MFRP: variants seen among roughly 807,000 people sequenced by gnomAD.
MFRP encodes the protein membrane frizzled-related protein.
MFRP carries 74 observed loss-of-function variants against 65.8 expected under a neutral mutation model. That is an observed-to-expected ratio of 1.12 (90% CI 0.93 to 1.36). The LOEUF is 1.36. MFRP is among the 40% of genes most tolerant of loss of function. The pLI is 0.00. For synonymous variants in MFRP, 336 were observed against 288.3 expected, an observed-to-expected ratio of 1.17 and a Z score of -1.68; for missense variants, 838 against 736.0, an observed-to-expected ratio of 1.14 and a Z score of -1.60.
chr11:119,342,521 C>A, intron 11 of MFRP, 75 bp downstream of exon 11: 2 of 1,579,572 alleles, frequency 1.3e-6, no homozygotes, highest in Middle Eastern at 1.8e-4. Context: ...GGATGGGACA[C>A]TGTGCAGTAC....
Position 119,343,919 on chromosome 11 carries a change from G to C in MFRP, c.1021C>G (p.Leu341Val). ...TCCAGGCTGAAGTTGTGGAACTGTA[G>C]TTCTATGCTGTGTCCGGCAGGCACC... ...ISVPAGHSIE[L>V]QFHNFSLEAQ... The change falls in exon 9 of 15, where the codon CTA (leucine) becomes GTA (valine). Residue 341 changes from leucine to valine, a missense_variant. By Grantham distance (32) the Leu-to-Val change is conservative (BLOSUM62 1). Transcript: ENST00000619721. The C allele has an allele frequency of 1.2e-6, 2 of 1,613,808 alleles. No homozygotes were observed. The highest frequency in any genetic ancestry group is 1.7e-6 in the Non-Finnish European group (2 of 1,180,010).
Position 119,345,830 on chromosome 11 carries a change from C to T in MFRP, c.370G>A (p.Ala124Thr). Residue 124 changes from alanine to threonine, a missense_variant, in exon 4 of 15, where the codon GCA (alanine) becomes ACA (threonine). Coordinates refer to ENST00000619721, the MANE Select transcript of MFRP (RefSeq NM_031433.4). ...TGCTGCCCTTTAGGGGTCCCAGCTG[C>T]CTGAGAGGTGGTGATGGTGGGGGTG... is the stretch of plus-strand genomic sequence containing the variant. ...TTTPTITTSQ[A>T]AGTPKGQQES... The T allele has an allele frequency of 1.9e-6, 3 of 1,613,894 alleles. No homozygotes were observed. The highest frequency in any genetic ancestry group is 2.5e-6 in the Non-Finnish European group (3 of 1,180,002).
chr11:119,342,456 T>C, intron 11 of MFRP, 140 bp downstream of exon 11: 2 of 1,053,376 alleles, frequency 1.9e-6, no homozygotes, highest in Non-Finnish European at 2.7e-6. Flanking sequence ...CTCTGTGAAG[T>C]GGTCCCAGAG....
chr11:119,344,389 A>G lies in MFRP; in HGVS notation c.901T>C (p.Cys301Arg), dbSNP rs780153143. The change falls in exon 8 of 15, where the codon TGT (cysteine) becomes CGT (arginine). Residue 301 changes from cysteine (C) to arginine (R), a missense_variant and splice_region_variant. Cys to Arg is a radical substitution (Grantham distance 180). Coordinates refer to ENST00000619721, the MANE Select transcript of MFRP (RefSeq NM_031433.4). ...ETNCSAKFSGCGGNLTGLQGT... is the reference protein window; with the variant it reads ...ETNCSAKFSGRGGNLTGLQGT... ...TGGAGGCCAGTCAGATTCCCCCCAC[A>G]CCCTGTAGAGAGGTGGAAGGGCTCA... 2 of 1,612,946 alleles carry G rather than the reference A, an allele frequency of 1.2e-6. No homozygotes were observed. The highest frequency in any genetic ancestry group is 1.7e-6 in the Non-Finnish European group (2 of 1,179,566).
At position 119,341,598 on chromosome 11, in the gene MFRP, A is replaced by C. The variant is rs1950503045; in HGVS notation, c.1690T>G (p.Cys564Gly). 6.2e-7 allele frequency: 1 copy of C among 1,612,844 alleles called. No individual in the cohort carries two copies. Among genetic ancestry groups the C allele is most frequent in the African/African-American group, 1.3e-5 (1 of 74,940 alleles). Residue 564 changes from cysteine to glycine, a missense_variant, in exon 13 of 15, where the codon TGC becomes GGC. Coordinates refer to ENST00000619721, the MANE Select transcript of MFRP (RefSeq NM_031433.4). ...TCAGCTGCCTCTGGCAGCCTGTTGCAGTTGAAGGGCCAGGGGGTGCCCAGT... is the reference window on the plus strand; with the variant it reads ...TCAGCTGCCTCTGGCAGCCTGTTGCCGTTGAAGGGCCAGGGGGTGCCCAGT... ...ALLGTPWPFN[C>G]NRLPEAADLE...
rs767183449 is a variant in MFRP at position 119,344,982 on chromosome 11, G to C, written c.664C>G (p.Pro222Ala). Residue 222 changes from proline (P) to alanine (A), a missense_variant, in exon 6 of 15, where the codon CCC becomes GCC. Physicochemically the swap from Pro to Ala is conservative, Grantham distance 27. Coordinates refer to ENST00000619721, the MANE Select transcript of MFRP (RefSeq NM_031433.4). ...TGGCTGGCATTGGTGTTGAGCGTGG[G>C]GGGAGGCACCCTTCCACAAACCCTG... ...LLRVCGRVPPPTLNTNASHLL... is the reference protein window; with the variant it reads ...LLRVCGRVPPATLNTNASHLL... 6.2e-7 allele frequency: 1 copy of C among 1,607,110 alleles called. No homozygotes were observed. The highest frequency in any genetic ancestry group is 8.5e-7 in the Non-Finnish European group (1 of 1,177,738).
rs201366920 is a variant in MFRP, at chr11:119,341,961, C to T, written c.1411G>A (p.Val471Met). The change falls in exon 12 of 15, where the codon GTG becomes ATG. Residue 471 changes from valine (V) to methionine (M), a missense_variant. Transcript: ENST00000619721. Reference sequence around the variant, plus strand: ...TAGCTCAGACCGAGGCACATCTCCACCTGGACAGGCTCACAGGCCAGCTCT... The same window carrying T: ...TAGCTCAGACCGAGGCACATCTCCATCTGGACAGGCTCACAGGCCAGCTCT... ...PPELACEPVQVEMCLGLSYNT... is the reference protein window; with the variant it reads ...PPELACEPVQMEMCLGLSYNT... The T allele has an allele frequency of 6.2e-6, 10 of 1,613,884 alleles. No homozygotes were observed. The East Asian group carries it at 6.7e-5, about 11-fold the overall frequency.
In MFRP at chr11:119,339,862, G is replaced by A. The variant is rs1306948469; in HGVS notation, c.*1111-14C>T. The A allele has an allele frequency of 6.9e-7, 1 of 1,459,762 alleles. No individual in the cohort carries two copies. The highest frequency in any genetic ancestry group is 1.4e-5 in the South Asian group (1 of 71,600). 90.4% of individuals were successfully genotyped at this position (1,459,762 alleles called of 1,614,324 possible). Reference sequence around the variant, plus strand: ...GTCCCGGCAGTCCTGCGGGGTAAGCGGGGCGGCAGGGTGAGAGTAGCGGCG... The same window carrying A: ...GTCCCGGCAGTCCTGCGGGGTAAGCAGGGCGGCAGGGTGAGAGTAGCGGCG... On this transcript the variant is annotated splice_polypyrimidine_tract_variant and intron_variant, in intron 14 of 14. Transcript: ENST00000619721. This position sits in a 1 kb window ranked among gnomAD's most constrained non-coding sequence, Gnocchi z 5.4.
In MFRP at chr11:119,341,591, C is replaced by T. The variant is rs933941325; in HGVS notation, c.1697G>A (p.Arg566Lys). ...LGTPWPFNCN[R>K]LPEAADLEAC... is the part of the protein sequence containing the mutation. ...TTCCAGGTCAGCTGCCTCTGGCAGC[C>T]TGTTGCAGTTGAAGGGCCAGGGGGT... The change falls in exon 13 of 15, where the codon AGG (arginine) becomes AAG (lysine). Residue 566 changes from arginine (R) to lysine (K), a missense_variant. Arg to Lys is a conservative substitution (Grantham distance 26). Coordinates refer to ENST00000619721, the MANE Select transcript of MFRP (RefSeq NM_031433.4). The T allele has an allele frequency of 3.7e-6, 6 of 1,612,950 alleles. No homozygotes were observed. The highest frequency in any genetic ancestry group is 1.7e-4 in the Middle Eastern group (1 of 6,044).
chr11:119,343,129 G>A, intron 9 of MFRP, 126 bp from the exon 10 acceptor site: 2 of 1,217,592 alleles, frequency 1.6e-6, no homozygotes, highest in East Asian at 5.1e-5. Flanking sequence ...AAGACACAGG[G>A]TTAGGGTCTG....
Position 119,345,446 on chromosome 11 carries a change from G to A in MFRP, c.615C>T (p.Ser205=), listed in dbSNP as rs1950553139. The A allele has an allele frequency of 6.2e-7, 1 of 1,614,016 alleles. No individual in the cohort carries two copies. The highest frequency in any genetic ancestry group is 8.5e-7 in the Non-Finnish European group (1 of 1,180,032). Residue 205 remains serine, a synonymous_variant, in exon 5 of 15, where the codon TCC becomes TCT. Coordinates refer to ENST00000619721, the MANE Select transcript of MFRP (RefSeq NM_031433.4). ...ASCLFDRLEL[S]PEPEGPLLRV... is the part of the protein sequence containing the mutation. ...TGAGGAGGGGGCCTTCAGGCTCAGG[G>A]GAGAGTTCCAAGCGATCAAAAAGGC...
Position 119,343,103 on chromosome 11 carries a change from A to C in MFRP, c.1125-100T>G, listed in dbSNP as rs988896971. The C allele has an allele frequency of 4.2e-6, 6 of 1,431,682 alleles. No homozygotes were observed. In the Admixed American group the frequency reaches 5.9e-5, roughly 14 times the overall value. The allele number at this position is 1,431,682 out of a possible 1,614,324, so 88.7% of individuals were successfully genotyped here. A position where few individuals can be genotyped will look rare whatever the true frequency, so the allele number is the denominator to read the frequency against. ...GGCTCTGAGCTGGGAGCCCTGGATG[A>C]TGCCAAAGGTGATGGAAGACACAGG... On this transcript the variant is annotated intron_variant, in intron 9 of 14. Coordinates refer to ENST00000619721, the MANE Select transcript of MFRP (RefSeq NM_031433.4).
chr11:119,344,494 AAAC>A (rs1950538304), intron 7 of MFRP, 103 bp from the exon 8 acceptor site: 1 of 1,569,656 alleles, frequency 6.4e-7, no homozygotes, highest in Admixed American at 1.8e-5. Flanking sequence ...TGCCCATGGG[AAAC>A]AAGTTCTGGG....
In MFRP at chr11:119,342,839, T is replaced by C. The variant is rs769780473; in HGVS notation, c.1255+34A>G. On this transcript the variant is annotated intron_variant, in intron 10 of 14. Coordinates refer to ENST00000619721, the MANE Select transcript of MFRP (RefSeq NM_031433.4). The stretch of plus-strand genomic sequence containing the variant: ...TTGTCTGTCCCCCTGGAGGTGCCTC[T>C]ACTGCCCCCACCCACTTGCCCAGGG... 4 of 1,612,178 alleles carry C rather than the reference T, an allele frequency of 2.5e-6. No individual in the cohort carries two copies. In the Admixed American group the frequency reaches 5.0e-5, roughly 20 times the overall value.
chr11:119,340,190 T>A lies in MFRP; in HGVS notation c.*1104A>T. ...CGCGGCGGTGCCTTCTTACCCGGCC[T>A]CCCGCCCTCGCCTTTCTCTCCCGGA... On this transcript the variant is annotated 3_prime_UTR_variant, in exon 14 of 15. Coordinates refer to ENST00000619721, the MANE Select transcript of MFRP (RefSeq NM_031433.4). The A allele has an allele frequency of 2.0e-6, 3 of 1,515,054 alleles. No homozygotes were observed. Among genetic ancestry groups the A allele is most frequent in the Non-Finnish European group, 1.8e-6 (2 of 1,134,456 alleles). The allele number at this position is 1,515,054 out of a possible 1,614,324, so 93.9% of individuals were successfully genotyped here.
At chr11:119,344,501 T>C (rs1950538350) in intron 7 of MFRP, 110 bp from the exon 8 acceptor site, 1 of 1,574,894 alleles carries the variant, frequency 6.3e-7, no homozygotes, top group Non-Finnish European at 8.7e-7. Context: ...GGGAAACAAG[T>C]TCTGGGCCAA....
Position 119,342,921 on chromosome 11 carries a change from T to C in MFRP, c.1207A>G (p.Ser403Gly). The C allele has an allele frequency of 6.2e-7, 1 of 1,612,936 alleles. No homozygotes were observed. ...AVLFRTDHGI[S>G]SGGFSATYLA... ...TAGGTGGCTGAGAAGCCTCCACTGC[T>C]GATGCCATGATCTGTCCTAAACAGC... Residue 403 changes from serine (S) to glycine (G), a missense_variant, in exon 10 of 15, where the codon AGC (serine) becomes GGC (glycine). Physicochemically the swap from Ser to Gly is moderately conservative, Grantham distance 56. Transcript: ENST00000619721.
At position 119,345,602 on chromosome 11, in the gene MFRP, GC is replaced by G. The variant is rs1255458368; in HGVS notation, c.458del (p.Gly153AlafsTer39). ...TCGGLLSGPR[G>X]FFSSPNYPDP... ...CTGGGTAGTTAGGGCTGCTGAAGAA[GC>G]CCCTTGGGCCAGAGAGGAGGCCTCC... is the stretch of plus-strand genomic sequence containing the variant. On this transcript the variant is annotated frameshift_variant, in exon 5 of 15. Transcript: ENST00000619721. LOFTEE classifies it high-confidence loss of function. 2 of 1,613,816 alleles carry G rather than the reference GC, an allele frequency of 1.2e-6. No homozygotes were observed. The highest frequency in any genetic ancestry group is 1.7e-6 in the Non-Finnish European group (2 of 1,179,994).
chr11:119,339,743 C>G lies in MFRP; in HGVS notation c.*1216G>C. On this transcript the variant is annotated 3_prime_UTR_variant, in exon 15 of 15. Coordinates refer to ENST00000619721, the MANE Select transcript of MFRP (RefSeq NM_031433.4). This position sits in a 1 kb window ranked among gnomAD's most constrained non-coding sequence, Gnocchi z 5.4. ...CACCCGGCTCTCGGAGCGCTTGGCG[C>G]TGAAGGCGGATCGCGGAGGCACCGA... 6.3e-7 allele frequency: 1 copy of G among 1,596,862 alleles called. No homozygotes were observed. The highest frequency in any genetic ancestry group is 8.5e-7 in the Non-Finnish European group (1 of 1,177,686).
Sources: gnomAD v4.1 joint callset for allele counts on GRCh38, gnomAD v4.1.1 for gene constraint, Gnocchi (gnomAD v3.1) non-coding constraint, MANE v1.5 for transcripts, NCBI Gene and HGNC (gene_info 2026-07-23, HGNC 2026-07-21) for gene names.